UBE3C: variants seen among roughly 807,000 people sequenced by gnomAD.
The protein encoded by UBE3C is ubiquitin protein ligase E3C, also known as ubiquitin-protein ligase E3C.
In UBE3C, 42 loss-of-function variants were observed where a neutral mutation model predicts 129.4. That is an observed-to-expected ratio of 0.32 (90% CI 0.25 to 0.42). The LOEUF (loss-of-function observed/expected upper bound fraction) is 0.42, where lower values mean the gene tolerates loss of function less well. Ranked by LOEUF, UBE3C falls within the 10% of genes least tolerant of loss-of-function variation. UBE3C has a pLI of 1.00. For missense variants in UBE3C, 1,049 were observed against 1,319.1 expected (o/e 0.80, Z 3.17); for synonymous variants, 510 against 492.4 (o/e 1.04, Z -0.47).
chr7:157,157,189 T>C (rs1486238429), intron 1 of UBE3C, among the ~76,000 whole-genome samples: 1 of 152,172 alleles, frequency 6.6e-6, no homozygotes, highest in East Asian at 1.9e-4. Context: ...AAAAATTCAA[T>C]ATACAGAAAT....
intron 2 of UBE3C, among the ~76,000 whole-genome samples, chr7:157,168,338 A>T (rs1808273950): frequency 6.6e-6 from 1 of 151,530 alleles, no homozygotes; most frequent in Non-Finnish European, 1.5e-5. Flanking sequence ...CTGTCTCAAA[A>T]AAAAAAAAAA....
chr7:157,192,662 GGC>G lies in UBE3C; in HGVS notation c.1331+5642_1331+5643del, dbSNP rs1402844985. The G allele has an allele frequency of 1.0e-5, 8 of 768,184 alleles. No homozygotes were observed. The African/African-American group carries it at 1.4e-4, about 13-fold the overall frequency. 47.6% of individuals were successfully genotyped at this position (768,184 alleles called of 1,614,324 possible). ...AGCGCAAGAGAAAGAAGGGGAAGCT[GGC>G]TGTCCTGAAGTATTAGAAGGTGGAT... On this transcript the variant is annotated intron_variant, in intron 10 of 22. Transcript: ENST00000348165.
At chr7:157,226,143 G>T (rs1275025905) in intron 17 of UBE3C, among the ~76,000 whole-genome samples, 1 of 152,104 alleles carries the variant, frequency 6.6e-6, no homozygotes, top group African/African-American at 2.4e-5. Context: ...AATCTCGATG[G>T]TAGCCATTTA....
chr7:157,211,499 C>A (rs1809594805), intron 13 of UBE3C, among the ~76,000 whole-genome samples: 1 of 152,006 alleles, frequency 6.6e-6, no homozygotes, highest in African/African-American at 2.4e-5. Flanking sequence ...TCAAAATACT[C>A]CAGTTTTTAA....
chr7:157,195,244 A>G (rs1809085694), intron 10 of UBE3C, among the ~76,000 whole-genome samples: 1 of 152,230 alleles, frequency 6.6e-6, no homozygotes, highest in African/African-American at 2.4e-5. Flanking sequence ...TCCTGTGTAA[A>G]TGAGTGAATC....
intron 1 of UBE3C, among the ~76,000 whole-genome samples, chr7:157,154,724 C>A (rs1279799158): frequency 1.3e-5 from 2 of 152,036 alleles, no homozygotes; most frequent in Admixed American, 1.3e-4. Flanking sequence ...TAAATGATTG[C>A]GTTTTGCATT....
chr7:157,175,938 T>A (rs907234601), intron 5 of UBE3C, among the ~76,000 whole-genome samples: 22 of 152,226 alleles, frequency 1.4e-4, no homozygotes, highest in Non-Finnish European at 2.9e-4. Flanking sequence ...GTCTCTATTA[T>A]GTATTTTTCT....
intron 17 of UBE3C, among the ~76,000 whole-genome samples, chr7:157,230,635 C>A (rs1353648309): frequency 6.8e-6 from 1 of 146,098 alleles, no homozygotes; most frequent in Non-Finnish European, 1.5e-5. Flanking sequence ...GCGGAGGTTG[C>A]AGTGAGCTGA....
chr7:157,238,631 A>C (rs566064084), intron 18 of UBE3C, among the ~76,000 whole-genome samples: 3 of 152,106 alleles, frequency 2.0e-5, no homozygotes, highest in African/African-American at 7.2e-5. Context: ...AGGCTTAGTG[A>C]GGGGCAGTTG....
intron 13 of UBE3C, among the ~76,000 whole-genome samples, chr7:157,208,281 A>G (rs1033929178): frequency 6.6e-6 from 1 of 151,528 alleles, no homozygotes; most frequent in East Asian, 1.9e-4. Flanking sequence ...TCACTGTGTT[A>G]CCCAGGCTGG....
At chr7:157,176,122 A>T (rs1434062828) in intron 5 of UBE3C, among the ~76,000 whole-genome samples, 1 of 152,130 alleles carries the variant, frequency 6.6e-6, no homozygotes, top group Non-Finnish European at 1.5e-5. Context: ...ATATATGTAA[A>T]TATAATTATT....
At chr7:157,220,913 G>A (rs565418629) in intron 15 of UBE3C, 137 bp downstream of exon 15, 13 of 1,024,376 alleles carry the variant, frequency 1.3e-5, no homozygotes, top group South Asian at 8.7e-5. Flanking sequence ...ATGTAGAAAA[G>A]TTTCATCACC....
intron 11 of UBE3C, among the ~76,000 whole-genome samples, chr7:157,203,159 A>T (rs1809337543): frequency 6.6e-6 from 1 of 152,196 alleles, no homozygotes; most frequent in South Asian, 2.1e-4. Context: ...TGAAAGGGGA[A>T]TGTCAGTTTC....
At chr7:157,149,819 T>C (rs2116809607) in intron 1 of UBE3C, among the ~76,000 whole-genome samples, 1 of 152,306 alleles carries the variant, frequency 6.6e-6, no homozygotes, top group East Asian at 1.9e-4. Flanking sequence ...CACCTAGGAA[T>C]TTGGAAGTGG....
intron 1 of UBE3C, among the ~76,000 whole-genome samples, chr7:157,144,201 C>T (rs1344617088): frequency 6.6e-6 from 1 of 152,180 alleles, no homozygotes; most frequent in Non-Finnish European, 1.5e-5. Flanking sequence ...AAGACTGAGG[C>T]GGGAGGATCG....
chr7:157,223,458 A>G, intron 16 of UBE3C, 107 bp downstream of exon 16: 1 of 898,422 alleles, frequency 1.1e-6, no homozygotes, highest in Non-Finnish European at 1.7e-6. Flanking sequence ...CTGGCTGATT[A>G]CATAACATAC....
chr7:157,206,284 A>G (rs770340582), intron 11 of UBE3C, among the ~76,000 whole-genome samples: 3 of 152,198 alleles, frequency 2.0e-5, no homozygotes, highest in Non-Finnish European at 4.4e-5. Flanking sequence ...TTTTTTGGAA[A>G]CGGAGTCTCG....
At chr7:157,240,526 C>T (rs897949122) in intron 18 of UBE3C, among the ~76,000 whole-genome samples, 1 of 152,090 alleles carries the variant, frequency 6.6e-6, no homozygotes, top group South Asian at 2.1e-4. Flanking sequence ...TTTCTACACC[C>T]GTAAACGGCT....
intron 17 of UBE3C, among the ~76,000 whole-genome samples, chr7:157,230,755 G>T (rs913082181): frequency 2.0e-5 from 3 of 149,468 alleles, no homozygotes; most frequent in African/African-American, 4.9e-5. Flanking sequence ...GTATTGGGCC[G>T]CATTCAAAGC....
Sources: gnomAD v4.1 joint callset for allele counts (sites outside exome capture counted in the v4.1 genomes callset) on GRCh38, gnomAD v4.1.1 for gene constraint, MANE v1.5 for transcripts, NCBI Gene and HGNC (gene_info 2026-07-23, HGNC 2026-07-21) for gene names.